The following HPSE2 variants were observed in gnomAD, a reference collection of about 807,000 sequenced individuals.
HPSE2 encodes inactive heparanase-2.
Under a neutral mutation model 60.5 loss-of-function variants are expected in HPSE2, and 38 were observed. That is an observed-to-expected ratio of 0.63 (90% CI 0.48 to 0.82). HPSE2 has a LOEUF of 0.82. Ranked by LOEUF, HPSE2 falls within the 40% of genes least tolerant of loss-of-function variation. The pLI is 0.00. For missense variants in HPSE2, 713 were observed against 740.4 expected, an observed-to-expected ratio of 0.96 and a Z score of 0.43; for synonymous variants, 295 against 293.2, an observed-to-expected ratio of 1.01 and a Z score of -0.06.
chr10:98,667,292 G>T (rs1947389020), intron 6 of HPSE2, among the ~76,000 whole-genome samples: 1 of 151,980 alleles, frequency 6.6e-6, no homozygotes, highest in South Asian at 2.1e-4. Flanking sequence ...TAAAAAGCCT[G>T]CCAACTAAAA....
chr10:98,911,220 G>T (rs1294103390), intron 3 of HPSE2, among the ~76,000 whole-genome samples: 1 of 152,192 alleles, frequency 6.6e-6, no homozygotes, highest in Admixed American at 6.5e-5. Context: ...TCTAGGGGCA[G>T]CACATTAATT....
intron 2 of HPSE2, among the ~76,000 whole-genome samples, chr10:99,148,244 T>C (rs376018561): frequency 1.3e-5 from 2 of 152,218 alleles, no homozygotes; most frequent in East Asian, 3.9e-4. Flanking sequence ...ACTTATTAGT[T>C]ACAAAAGTGG....
At chr10:98,877,942 C>T (rs12765537) in intron 3 of HPSE2, among the ~76,000 whole-genome samples, 5 of 151,762 alleles carry the variant, frequency 3.3e-5, no homozygotes, top group South Asian at 2.1e-4. Context: ...AGGTTTAAGG[C>T]GGTCTAAGAG....
chr10:99,166,002 G>A (rs545306640), intron 2 of HPSE2, among the ~76,000 whole-genome samples: 52 of 109,390 alleles, frequency 4.8e-4, no homozygotes, highest in African/African-American at 1.2e-3. Context: ...TTTTGGTTTT[G>A]TTTATCTGTT....
intron 2 of HPSE2, among the ~76,000 whole-genome samples, chr10:99,226,429 G>GT (rs1564907118): frequency 6.6e-6 from 1 of 152,018 alleles, no homozygotes. Context: ...TACAAGTCAG[G>GT]TATCTTGTAG....
chr10:98,515,621 T>C (rs1406407414), intron 9 of HPSE2, among the ~76,000 whole-genome samples: 1 of 152,212 alleles, frequency 6.6e-6, no homozygotes, highest in African/African-American at 2.4e-5. Context: ...TACATATAAA[T>C]GAAAATAGTT....
At position 98,620,721 on chromosome 10, in the gene HPSE2, C is replaced by G. The variant is rs1946050509; in HGVS notation, c.1099-13G>C. On this transcript the variant is annotated splice_polypyrimidine_tract_variant and intron_variant, in intron 7 of 11. Coordinates refer to ENST00000370552, the MANE Select transcript of HPSE2 (RefSeq NM_021828.5). ...ATGTATTAACCACCTGTTTACACAA[C>G]AAAAGCAGAAGGGGATAACGAGGTT... 1 of 1,574,578 alleles carries G rather than the reference C, an allele frequency of 6.4e-7. No individual in the cohort carries two copies. The highest frequency in any genetic ancestry group is 8.7e-7 in the Non-Finnish European group (1 of 1,144,940).
chr10:98,910,016 A>G (rs1004934591), intron 3 of HPSE2, among the ~76,000 whole-genome samples: 1 of 152,192 alleles, frequency 6.6e-6, no homozygotes, highest in Non-Finnish European at 1.5e-5. Flanking sequence ...GTATTTTCCA[A>G]GTTTTCTGAA....
intron 2 of HPSE2, among the ~76,000 whole-genome samples, chr10:99,174,075 A>C (rs984569478): frequency 2.0e-5 from 3 of 152,164 alleles, no homozygotes; most frequent in African/African-American, 4.8e-5. Context: ...AAATTGACCC[A>C]GTCACAGAAG....
intron 3 of HPSE2, among the ~76,000 whole-genome samples, chr10:99,136,580 T>C (rs1845665356): frequency 6.6e-6 from 1 of 152,138 alleles, no homozygotes; most frequent in Non-Finnish European, 1.5e-5. Context: ...GCAAGGCTGG[T>C]TCAACATACG....
At chr10:99,102,117 G>T (rs1844024124) in intron 3 of HPSE2, among the ~76,000 whole-genome samples, 1 of 152,072 alleles carries the variant, frequency 6.6e-6, no homozygotes, top group Non-Finnish European at 1.5e-5. Context: ...CAGAAGGCAA[G>T]AAATAACTAA....
intron 9 of HPSE2, among the ~76,000 whole-genome samples, chr10:98,604,306 TAA>T (rs67248335): frequency 2.2e-3 from 312 of 144,758 alleles, no homozygotes; most frequent in Middle Eastern, 0.011. Context: ...AAGAAAGAAC[TAA>T]AAAAAAAAAA....
intron 3 of HPSE2, among the ~76,000 whole-genome samples, chr10:98,886,679 C>A (rs550958369): frequency 6.6e-6 from 1 of 152,040 alleles, no homozygotes; most frequent in African/African-American, 2.4e-5. Context: ...AGGCTTAGTG[C>A]AAAATACTGG....
At chr10:98,549,269 AGTT>A (rs1943788740) in intron 9 of HPSE2, among the ~76,000 whole-genome samples, 1 of 152,198 alleles carries the variant, frequency 6.6e-6, no homozygotes, top group South Asian at 2.1e-4. Flanking sequence ...TACCTTATAT[AGTT>A]GTTGATAAAA....
chr10:98,527,905 C>A (rs1235277588), intron 9 of HPSE2, among the ~76,000 whole-genome samples: 1 of 152,154 alleles, frequency 6.6e-6, no homozygotes, highest in Non-Finnish European at 1.5e-5. Flanking sequence ...ATATCTACAG[C>A]CACGGAGCTA....
intron 3 of HPSE2, among the ~76,000 whole-genome samples, chr10:98,984,879 G>A (rs1956300095): frequency 6.6e-6 from 1 of 152,188 alleles, no homozygotes; most frequent in African/African-American, 2.4e-5. Flanking sequence ...TCAACTGGAA[G>A]AAAGGGTATC....
At chr10:98,585,805 A>G (rs1164408092) in intron 9 of HPSE2, among the ~76,000 whole-genome samples, 1 of 151,650 alleles carries the variant, frequency 6.6e-6, no homozygotes, top group African/African-American at 2.4e-5. Context: ...TACAAAAATT[A>G]GCTGGGCATG....
intron 3 of HPSE2, among the ~76,000 whole-genome samples, chr10:98,943,460 T>C (rs984057945): frequency 1.3e-5 from 2 of 152,004 alleles, no homozygotes; most frequent in African/African-American, 4.8e-5. Flanking sequence ...GTAGACAGCC[T>C]CCAAGACAGG....
rs1954798220 is a variant in HPSE2, at chr10:98,936,600, C to T, written c.611-192544G>A. 1.4e-5 allele frequency among the ~76,000 whole-genome samples: 2 copies of T among 143,524 alleles called. 1 individual carries two copies. Among genetic ancestry groups the T allele is most frequent in the Non-Finnish European group, 3.0e-5 (2 of 67,078 alleles). The allele number at this position is 143,524 out of a possible 152,430, so 94.2% of individuals were successfully genotyped here. A position where few individuals can be genotyped will look rare whatever the true frequency, so the allele number is the denominator to read the frequency against. On this transcript the variant is annotated intron_variant, in intron 3 of 11. Coordinates refer to ENST00000370552, the MANE Select transcript of HPSE2 (RefSeq NM_021828.5). ...CGCCCCACCCTGTTTCTGCTCTTCC[C>T]TATGAGAGCTTTTAATGCTACAAGA...
Sources: allele counts gnomAD v4.1 joint callset (sites outside exome capture counted in the v4.1 genomes callset), GRCh38; gene constraint gnomAD v4.1.1; transcripts MANE v1.5; gene names NCBI Gene and HGNC (gene_info 2026-07-23, HGNC 2026-07-21).